The following CCDC74A variants were observed in gnomAD, a reference collection of about 807,000 sequenced individuals.
CCDC74A encodes coiled-coil domain containing 74A, also known as coiled-coil domain-containing protein 74A.
A neutral mutation model predicts 37.6 loss-of-function variants in CCDC74A; 38 were observed. The ratio of observed to expected loss-of-function variants is 1.01; its 90% confidence interval spans 0.78 to 1.33. The LOEUF is 1.33. CCDC74A is among the 40% of genes most tolerant of loss of function. The pLI is 0.00. For synonymous variants in CCDC74A, 134 were observed against 165.2 expected, an observed-to-expected ratio of 0.81 and a Z score of 1.45; for missense variants, 340 against 403.4, an observed-to-expected ratio of 0.84 and a Z score of 1.35.
At chr2:131,527,652 A>G (rs1226677408), upstream of CCDC74A, 2 of 337,802 alleles carry the variant, frequency 5.9e-6, no homozygotes, top group Non-Finnish European at 1.1e-5. Flanking sequence ...CCGCCACTAC[A>G]CCCGGCTACA....
chr2:131,533,206 C>A, intron 7 of CCDC74A, 63 bp from the exon 8 acceptor site: 2 of 1,608,332 alleles, frequency 1.2e-6, no homozygotes, highest in South Asian at 1.1e-5. Flanking sequence ...CCATGCAGGC[C>A]GCACTCCCCA....
chr2:131,526,562 T>C (rs767187357), upstream of CCDC74A, among the ~76,000 whole-genome samples: 15 of 152,238 alleles, frequency 9.9e-5, no homozygotes, highest in East Asian at 1.9e-4. Context: ...TAATCATAGT[T>C]GTATTCCATT....
chr2:131,531,058 C>T (rs1341208319), intron 3 of CCDC74A, among the ~76,000 whole-genome samples: 1 of 152,130 alleles, frequency 6.6e-6, no homozygotes, highest in African/African-American at 2.4e-5. Flanking sequence ...TCACAGCAGG[C>T]ACCCCAGGGC....
At chr2:131,523,927 G>C (rs912736038), upstream of CCDC74A, among the ~76,000 whole-genome samples, 3 of 151,936 alleles carry the variant, frequency 2.0e-5, no homozygotes, top group African/African-American at 7.2e-5. Context: ...AGGATCATGG[G>C]AAAGGGGCTA....
upstream of CCDC74A, among the ~76,000 whole-genome samples, chr2:131,523,549 C>T (rs1680199003): frequency 6.6e-6 from 1 of 152,132 alleles, no homozygotes; most frequent in Admixed American, 6.6e-5. Flanking sequence ...ATCGCTTGAA[C>T]CTGGGATGTA....
Position 131,529,902 on chromosome 2 carries a change from C to T in CCDC74A, c.295+211C>T. ...CAGCACGTGCTGCTCTCGGGAAGCC[C>T]AGGGCCTGAGGTCATTGCAGTGGGG... On this transcript the variant is annotated intron_variant, in intron 2 of 7. Transcript: ENST00000409856. The T allele has an allele frequency of 2.7e-6, 4 of 1,497,000 alleles. 1 individual carries two copies. The South Asian group carries it at 5.3e-5, about 20-fold the overall frequency. 92.7% of individuals were successfully genotyped at this position (1,497,000 alleles called of 1,614,324 possible).
At chr2:131,529,565 C>A in intron 1 of CCDC74A, 82 bp from the exon 2 acceptor site, 1 of 1,590,520 alleles carries the variant, frequency 6.3e-7, no homozygotes, top group Non-Finnish European at 8.6e-7. Context: ...GGCTCAGCAG[C>A]CAGGAGAGGA....
Position 131,533,548 on chromosome 2 carries a change from C to T in CCDC74A, c.*150C>T. On this transcript the variant is annotated 3_prime_UTR_variant, in exon 8 of 8. Transcript: ENST00000409856. ...ATAGATAAAGTACTTGATCTCCAAA[C>T]TGACAAACTGTTTATTTTCTAGCTG... 3 of 1,081,790 alleles carry T rather than the reference C, an allele frequency of 2.8e-6. 1 individual carries two copies. The highest frequency in any genetic ancestry group is 3.4e-5 in the South Asian group (2 of 58,612). 67.0% of individuals were successfully genotyped at this position (1,081,790 alleles called of 1,614,324 possible).
upstream of CCDC74A, among the ~76,000 whole-genome samples, chr2:131,525,056 C>G (rs908337153): frequency 2.4e-4 from 37 of 152,072 alleles, no homozygotes; most frequent in African/African-American, 8.0e-4. Flanking sequence ...TCTCTCCACT[C>G]AGGATATCCT....
In CCDC74A at chr2:131,530,123, G is replaced by A. The variant is rs945676875; in HGVS notation, c.295+432G>A. The A allele has an allele frequency of 2.6e-6, 4 of 1,550,058 alleles. No homozygotes were observed. In the African/African-American group the frequency reaches 5.5e-5, roughly 21 times the overall value. On this transcript the variant is annotated intron_variant, in intron 2 of 7. Transcript: ENST00000409856. ...GGGCTCTGGACACACTCCATCCAGG[G>A]ATCCCTTCCTGCCATCTGGGCAGCA...
chr2:131,523,936 T>C (rs6760336), upstream of CCDC74A, among the ~76,000 whole-genome samples: 39,587 of 149,702 alleles, frequency 0.26, 5,787 homozygotes, highest in Non-Finnish European at 0.33. Flanking sequence ...GGAAAGGGGC[T>C]AGTCTAGAAA....
intron 2 of CCDC74A, chr2:131,529,982 G>T (rs1342881356): frequency 6.6e-7 from 1 of 1,520,062 alleles, no homozygotes; most frequent in African/African-American, 1.4e-5. Flanking sequence ...GCTGAAATGG[G>T]AAGGAACCCC....
intron 2 of CCDC74A, 117 bp downstream of exon 2, chr2:131,529,808 A>C: frequency 6.5e-7 from 1 of 1,548,806 alleles, no homozygotes; most frequent in Non-Finnish European, 8.7e-7. Context: ...CAGTGGGTAC[A>C]GGTTCTGGGG....
Position 131,532,801 on chromosome 2 carries a change from G to A in CCDC74A, c.678+20G>A, listed in dbSNP as rs772504670. On this transcript the variant is annotated intron_variant, in intron 5 of 7. Transcript: ENST00000409856. The stretch of plus-strand genomic sequence containing the variant: ...CAAGAGGTGAGGCCCTGGGTGGTGG[G>A]GGTGGCCCTGGGCAGTCTGGCACCG... 6.2e-7 allele frequency: 1 copy of A among 1,612,980 alleles called. No individual in the cohort carries two copies. The highest frequency in any genetic ancestry group is 8.5e-7 in the Non-Finnish European group (1 of 1,179,644).
At chr2:131,525,711 C>CTTTTTTTTTTTTTTTT (rs58721770), upstream of CCDC74A, among the ~76,000 whole-genome samples, 20 of 63,454 alleles carry the variant, frequency 3.2e-4, 1 homozygote, top group African/African-American at 1.4e-3. Flanking sequence ...CTATGCCTGC[C>CTTTTTTTTTTTTTTTT]TTTTTTTTTT....
chr2:131,523,083 T>C (rs1271738818), upstream of CCDC74A, among the ~76,000 whole-genome samples: 4 of 152,166 alleles, frequency 2.6e-5, no homozygotes, highest in Non-Finnish European at 4.4e-5. Context: ...TTTTAAATTT[T>C]TTTGTAGAGA....
intron 3 of CCDC74A, 72 bp downstream of exon 3, chr2:131,530,899 G>A (rs1681169867): frequency 6.3e-7 from 1 of 1,584,876 alleles, no homozygotes; most frequent in Admixed American, 1.7e-5. Flanking sequence ...GTGGCCTCTA[G>A]GGGTGCTGAC....
rs1384453740 is a variant in CCDC74A at position 131,528,096 on chromosome 2, G to C, written c.126G>C (p.Arg42Ser). The C allele has an allele frequency of 6.2e-7, 1 of 1,613,272 alleles. No individual in the cohort carries two copies. The highest frequency in any genetic ancestry group is 1.3e-5 in the African/African-American group (1 of 74,906). ...TGAGGCCGCAGAGCCCGCAGCTCAG[G>C]CAGAGCGACCCGCAGAAACGGAACC... Reference protein sequence around the residue: ...QSLRPQSPQLRQSDPQKRNLD... With the variant: ...QSLRPQSPQLSQSDPQKRNLD... The change falls in exon 1 of 8, where the codon AGG becomes AGC. Residue 42 changes from arginine (R) to serine (S), a missense_variant. Coordinates refer to ENST00000409856, the MANE Select transcript of CCDC74A (RefSeq NM_001258306.3).
Position 131,527,953 on chromosome 2 carries a change from G to A in CCDC74A, c.-18G>A. ...GCCGGGGTGCAGTGGCAGCGGGAGAGTACCTGGCGATGGCGATATGAGCGG... is the reference window on the plus strand; with the variant it reads ...GCCGGGGTGCAGTGGCAGCGGGAGAATACCTGGCGATGGCGATATGAGCGG... On this transcript the variant is annotated 5_prime_UTR_variant, in exon 1 of 8. Coordinates refer to ENST00000409856, the MANE Select transcript of CCDC74A (RefSeq NM_001258306.3). 1.4e-6 allele frequency: 2 copies of A among 1,428,540 alleles called. No homozygotes were observed. Among genetic ancestry groups the A allele is most frequent in the East Asian group, 2.6e-5 (1 of 37,786 alleles). 88.5% of individuals were successfully genotyped at this position (1,428,540 alleles called of 1,614,324 possible).
Sources: gnomAD v4.1 joint callset for allele counts (sites outside exome capture counted in the v4.1 genomes callset) on GRCh38, gnomAD v4.1.1 for gene constraint, MANE v1.5 for transcripts, NCBI Gene and HGNC (gene_info 2026-07-23, HGNC 2026-07-21) for gene names.